PTBP1: variants seen among roughly 807,000 people sequenced by gnomAD.
PTBP1 encodes the protein polypyrimidine tract binding protein 1.
In PTBP1, 8 loss-of-function variants were observed where a neutral mutation model predicts 59.8. The observed-to-expected ratio is 0.13, with a 90% CI of 0.08 to 0.24. The LOEUF is 0.24. PTBP1 is among the 10% of genes least tolerant of loss of function. The probability of loss-of-function intolerance (pLI) is 1.00; values close to 1 mark genes in which losing one functional copy is unlikely to be tolerated. For missense variants in PTBP1, 686 were observed against 767.0 expected (o/e 0.89, Z 1.25); for synonymous variants, 490 against 320.7 (o/e 1.53, Z -5.64).
chr19:805,836 T>A, intron 9 of PTBP1: 1 of 494,492 alleles, frequency 2.0e-6, no homozygotes, highest in Non-Finnish European at 3.7e-6. Flanking sequence ...TTCAAGCACC[T>A]CCGGGCGAGC....
rs377010881 is a variant in PTBP1, at chr19:804,457, G to T, written c.435+19G>T. On this transcript the variant is annotated intron_variant, in intron 5 of 14. Transcript: ENST00000356948. ...CCAGGCGGTGCGTGGCCCCGCGGCG[G>T]ACCCCAGCAGCCCGGGGACCTCGGG... The T allele has an allele frequency of 6.2e-7, 1 of 1,606,080 alleles. No homozygotes were observed.
intron 3 of PTBP1, among the ~76,000 whole-genome samples, 181 bp from the exon 4 acceptor site, chr19:803,845 TTGTCAGGAGC>T (rs1348595759): frequency 6.6e-6 from 1 of 152,034 alleles, no homozygotes; most frequent in Non-Finnish European, 1.5e-5. Flanking sequence ...TGTGGGCGGG[TTGTCAGGAGC>T]TGTCGGGAGC....
chr19:801,170 G>A lies in PTBP1; in HGVS notation c.39+1727G>A, dbSNP rs2034315227. Among the ~76,000 whole-genome samples, 3 of 152,182 alleles carry A rather than the reference G, an allele frequency of 2.0e-5. No homozygotes were observed. In the South Asian group the frequency reaches 6.2e-4, roughly 31 times the overall value. ...GCCCCAGCTGCAGACTGGAAGTCCT[G>A]GGGCGTTTCCTGTCAATCTGTGTGC... On this transcript the variant is annotated intron_variant, in intron 2 of 14. Transcript: ENST00000356948.
intron 1 of PTBP1, among the ~76,000 whole-genome samples, chr19:798,981 C>T (rs536707273): frequency 9.6e-4 from 147 of 152,368 alleles, no homozygotes; most frequent in Middle Eastern, 6.8e-3. Context: ...CCCACCCCTA[C>T]CCGGGTGGAA....
At position 812,026 on chromosome 19, in the gene PTBP1, A is replaced by C. The variant is rs11549884; in HGVS notation, c.*1200A>C. On this transcript the variant is annotated 3_prime_UTR_variant, in exon 15 of 15. Transcript: ENST00000356948. ...GTGTAACAAGGGTGTAAATATTTAT[A>C]ATTTTTTATACCTGTTGTGAGACCC... The C allele has an allele frequency of 4.7e-3, 716 of 152,354 alleles. 5 individuals are homozygous for C. The highest frequency in any genetic ancestry group is 7.2e-3 in the Non-Finnish European group (487 of 68,010). 9.4% of individuals were successfully genotyped at this position (152,354 alleles called of 1,614,324 possible).
intron 2 of PTBP1, among the ~76,000 whole-genome samples, chr19:802,302 G>A (rs1289738947): frequency 2.6e-5 from 4 of 152,226 alleles, no homozygotes; most frequent in Non-Finnish European, 5.9e-5. Context: ...CCAGGGCCAG[G>A]GCAGGAGTGG....
chr19:807,256 C>G (rs1008636188), intron 10 of PTBP1: 1 of 152,824 alleles, frequency 6.5e-6, no homozygotes, highest in East Asian at 1.9e-4. Flanking sequence ...CTGTAATCGT[C>G]CTTAGAGACT....
rs971743234 is a variant in PTBP1, at chr19:812,272, C to CCA, written c.*1447_*1448dup. ...TGTGGACGCTGTAGAGGCAGGTTGGCCAGTCTGTACCTGGACTTCGAATAA... is the reference window on the plus strand; with the variant it reads ...TGTGGACGCTGTAGAGGCAGGTTGGCCACAGTCTGTACCTGGACTTCGAATAA... On this transcript the variant is annotated 3_prime_UTR_variant, in exon 15 of 15. Coordinates refer to ENST00000356948, the MANE Select transcript of PTBP1 (RefSeq NM_002819.5). The CCA allele has an allele frequency of 6.5e-6, 1 of 154,102 alleles. No homozygotes were observed. The highest frequency in any genetic ancestry group is 1.4e-5 in the Non-Finnish European group (1 of 69,694). The allele number at this position is 154,102 out of a possible 1,614,324, so 9.5% of individuals were successfully genotyped here. A position where few individuals can be genotyped will look rare whatever the true frequency, so the allele number is the denominator to read the frequency against.
intron 2 of PTBP1, among the ~76,000 whole-genome samples, chr19:800,215 T>A (rs1329055742): frequency 6.6e-6 from 1 of 151,840 alleles, no homozygotes; most frequent in East Asian, 1.9e-4. Flanking sequence ...ATTACAGTTG[T>A]GAGCCGCCAG....
At chr19:807,092 C>T (rs2034616672) in intron 10 of PTBP1, 1 of 151,750 alleles carries the variant, frequency 6.6e-6, no homozygotes, top group African/African-American at 2.4e-5. Flanking sequence ...CCGGCAACTC[C>T]TGTGACTTCC....
chr19:802,988 G>A (rs1474602856), intron 2 of PTBP1, among the ~76,000 whole-genome samples: 9 of 152,198 alleles, frequency 5.9e-5, no homozygotes, highest in African/African-American at 1.7e-4. Flanking sequence ...CCTCAGTCTC[G>A]CGTGTGCAGA....
At chr19:799,390 G>C (rs367807567) in intron 1 of PTBP1, 23 bp from the exon 2 acceptor site, 2 of 1,613,434 alleles carry the variant, frequency 1.2e-6, no homozygotes, top group Non-Finnish European at 1.7e-6. Context: ...GGCTAACGTT[G>C]TCTCCTTTCT....
rs772045196 is a variant in PTBP1, at chr19:810,659, T to A, written c.1542-35T>A. ...GGGCTGTCCCTGGCTCTCCCCAGGC[T>A]GCCCTGCGGCCGGCCCTGACCCCCT... On this transcript the variant is annotated intron_variant, in intron 14 of 14. Coordinates refer to ENST00000356948, the MANE Select transcript of PTBP1 (RefSeq NM_002819.5). 1.9e-6 allele frequency: 3 copies of A among 1,612,036 alleles called. No individual in the cohort carries two copies. The Admixed American group carries it at 5.1e-5, about 27-fold the overall frequency.
chr19:802,178 C>A (rs1190310689), intron 2 of PTBP1, among the ~76,000 whole-genome samples: 1 of 152,204 alleles, frequency 6.6e-6, no homozygotes, highest in Non-Finnish European at 1.5e-5. Flanking sequence ...CCCTGTTCCC[C>A]ATCCTCCTTG....
chr19:805,518 C>G lies in PTBP1; in HGVS notation c.919C>G (p.Pro307Ala). The G allele has an allele frequency of 1.2e-6, 2 of 1,613,856 alleles. No homozygotes were observed. Among genetic ancestry groups the G allele is most frequent in the Non-Finnish European group, 1.7e-6 (2 of 1,179,718 alleles). ...FGAPGIISAS[P>A]YAGAGFPPTF... ...TGCACCTGGTATAATCTCAGCCTCTCCGTATGCAGGAGCTGGTTTCCCTCC... is the reference window on the plus strand; with the variant it reads ...TGCACCTGGTATAATCTCAGCCTCTGCGTATGCAGGAGCTGGTTTCCCTCC... The change falls in exon 9 of 15, where the codon CCG becomes GCG. Residue 307 changes from proline to alanine, a missense_variant. Coordinates refer to ENST00000356948, the MANE Select transcript of PTBP1 (RefSeq NM_002819.5).
intron 1 of PTBP1, 75 bp downstream of exon 1, chr19:797,580 C>T (rs2034125522): frequency 1.8e-6 from 2 of 1,103,432 alleles, no homozygotes; most frequent in Non-Finnish European, 2.3e-6. Flanking sequence ...CGCCGGCCTC[C>T]CCGGGGCCGA....
chr19:806,406 A>G lies in PTBP1; in HGVS notation c.971-2A>G. 1.3e-6 allele frequency: 2 copies of G among 1,599,326 alleles called. No homozygotes were observed. The highest frequency in any genetic ancestry group is 1.4e-5 in the African/African-American group (1 of 73,176). On this transcript the variant is annotated splice_acceptor_variant, in intron 9 of 14. Coordinates refer to ENST00000356948, the MANE Select transcript of PTBP1 (RefSeq NM_002819.5). LOFTEE classifies it high-confidence loss of function. Reference sequence around the variant, plus strand: ...CGCTCATCTCACCTCCTGCTTTTCCAGGCCTTTCCGTTCCGAACGTCCACG... The same window carrying G: ...CGCTCATCTCACCTCCTGCTTTTCCGGGCCTTTCCGTTCCGAACGTCCACG...
intron 4 of PTBP1, 37 bp from the exon 5 acceptor site, chr19:804,255 G>A (rs2034461354): frequency 4.3e-6 from 7 of 1,612,156 alleles, no homozygotes; most frequent in Middle Eastern, 1.7e-4. Flanking sequence ...TGCAGGCGGG[G>A]ACGAGGAGGG....
chr19:801,386 A>G (rs113232514), intron 2 of PTBP1, among the ~76,000 whole-genome samples: 9,196 of 152,314 alleles, frequency 0.06, 312 homozygotes, highest in Middle Eastern at 0.082. Flanking sequence ...CTGGGCAGGC[A>G]TGGAGTTTGC....
Sources: allele counts gnomAD v4.1 joint callset (sites outside exome capture counted in the v4.1 genomes callset), GRCh38; gene constraint gnomAD v4.1.1; transcripts MANE v1.5; gene names NCBI Gene and HGNC (gene_info 2026-07-23, HGNC 2026-07-21).